Variants in NOS1AP observed in about 807,000 individuals in gnomAD.
NOS1AP encodes the protein carboxyl-terminal PDZ ligand of neuronal nitric oxide synthase protein.
A neutral mutation model predicts 56.2 loss-of-function variants in NOS1AP; 21 were observed. The observed-to-expected ratio is 0.37, with a 90% CI of 0.26 to 0.54. The LOEUF is 0.54. Among genes scored for constraint, NOS1AP ranks in the 20% least tolerant of loss-of-function variants. NOS1AP has a pLI of 0.84. For synonymous variants in NOS1AP, 270 were observed against 274.6 expected, an observed-to-expected ratio of 0.98 and a Z score of 0.17; for missense variants, 522 against 657.8, an observed-to-expected ratio of 0.79 and a Z score of 2.26.
intron 2 of NOS1AP, among the ~76,000 whole-genome samples, chr1:162,214,185 A>G (rs186938452): frequency 9.9e-5 from 15 of 152,214 alleles, no homozygotes; most frequent in African/African-American, 3.6e-4. Context: ...TCCTTTTCCT[A>G]TGTCTTTCAG....
At chr1:162,112,454 C>T (rs562716548) in intron 1 of NOS1AP, among the ~76,000 whole-genome samples, 1 of 152,164 alleles carries the variant, frequency 6.6e-6, no homozygotes, top group South Asian at 2.1e-4. Flanking sequence ...CTCTTCAAAC[C>T]CCTCTGGGTT....
chr1:162,195,642 C>T (rs1212391056), intron 2 of NOS1AP, among the ~76,000 whole-genome samples: 1 of 152,156 alleles, frequency 6.6e-6, no homozygotes, highest in Admixed American at 6.5e-5. Flanking sequence ...TTACTGTTGC[C>T]GTGTCCTTTC....
intron 4 of NOS1AP, among the ~76,000 whole-genome samples, chr1:162,313,716 A>C (rs1656126937): frequency 6.6e-6 from 1 of 152,212 alleles, no homozygotes; most frequent in South Asian, 2.1e-4. Flanking sequence ...CATAGAAAGC[A>C]GTCAGCCTGT....
Position 162,188,221 on chromosome 1 carries a change from G to T in NOS1AP, c.177+33745G>T, listed in dbSNP as rs1571111647. ...GGCATGCTGGAGTTTTTAGATGAAA[G>T]ATGCTATTTTGTATAAGCAAATGGT... On this transcript the variant is annotated intron_variant, in intron 2 of 9. Coordinates refer to ENST00000361897, the MANE Select transcript of NOS1AP (RefSeq NM_014697.3). The surrounding 1 kb of genome is among the most constrained non-coding windows in gnomAD (Gnocchi z 4.0). Among the ~76,000 whole-genome samples, 1 of 152,188 alleles carries T rather than the reference G, an allele frequency of 6.6e-6. No individual in the cohort carries two copies. Among genetic ancestry groups the T allele is most frequent in the African/African-American group, 2.4e-5 (1 of 41,446 alleles).
intron 1 of NOS1AP, among the ~76,000 whole-genome samples, chr1:162,139,439 C>G (rs1649140353): frequency 6.6e-6 from 1 of 152,166 alleles, no homozygotes; most frequent in Non-Finnish European, 1.5e-5. Context: ...GGACTGATGA[C>G]AGGATGTCCA....
At chr1:162,296,498 T>G (rs967640149) in intron 3 of NOS1AP, among the ~76,000 whole-genome samples, 13 of 152,168 alleles carry the variant, frequency 8.5e-5, no homozygotes, top group Admixed American at 6.5e-5. Flanking sequence ...AGTAAGTTGG[T>G]GAAAAGATCT....
rs562128939 is a variant in NOS1AP at position 162,173,049 on chromosome 1, C to A, written c.177+18573C>A. ...TGATCCTCCCACTGCACACTGCAGC[C>A]CCCTGAGTAGCTAGGACCACAGGTG... On this transcript the variant is annotated intron_variant, in intron 2 of 9. Coordinates refer to ENST00000361897, the MANE Select transcript of NOS1AP (RefSeq NM_014697.3). 2.0e-5 allele frequency among the ~76,000 whole-genome samples: 3 copies of A among 152,172 alleles called. No individual in the cohort carries two copies. In the East Asian group the frequency reaches 5.8e-4, roughly 29 times the overall value.
chr1:162,220,624 A>G (rs1328662516), intron 2 of NOS1AP, among the ~76,000 whole-genome samples: 1 of 152,192 alleles, frequency 6.6e-6, no homozygotes, highest in Non-Finnish European at 1.5e-5. Flanking sequence ...GGGTTTTGTC[A>G]GATGGATGCT....
intron 2 of NOS1AP, among the ~76,000 whole-genome samples, chr1:162,277,614 C>T (rs7511679): frequency 0.075 from 11,486 of 152,210 alleles, 537 homozygotes; most frequent in Middle Eastern, 0.11. Flanking sequence ...GGAAATTCAA[C>T]GGGTAGAAGA....
chr1:162,231,389 T>C (rs758446558), intron 2 of NOS1AP, among the ~76,000 whole-genome samples: 2 of 152,228 alleles, frequency 1.3e-5, no homozygotes, highest in Non-Finnish European at 2.9e-5. Flanking sequence ...ATTAACCCTT[T>C]ATCAGATACA....
At chr1:162,144,425 C>G (rs1020724248) in intron 1 of NOS1AP, among the ~76,000 whole-genome samples, 1 of 152,222 alleles carries the variant, frequency 6.6e-6, no homozygotes, top group Non-Finnish European at 1.5e-5. Flanking sequence ...CACTTAAACT[C>G]TGTCATTGGA....
At chr1:162,340,155 A>G (rs1166383497) in intron 5 of NOS1AP, among the ~76,000 whole-genome samples, 2 of 152,226 alleles carry the variant, frequency 1.3e-5, no homozygotes, top group East Asian at 1.9e-4. Flanking sequence ...GAAACATGCT[A>G]CAGTGTCCTT....
chr1:162,169,261 T>C (rs1461216166), intron 2 of NOS1AP, among the ~76,000 whole-genome samples: 1 of 152,242 alleles, frequency 6.6e-6, no homozygotes, highest in African/African-American at 2.4e-5. Context: ...GTTTTCTCTT[T>C]TACAGAAATC....
intron 1 of NOS1AP, among the ~76,000 whole-genome samples, chr1:162,131,474 A>G (rs1003161356): frequency 6.6e-6 from 1 of 151,378 alleles, no homozygotes; most frequent in Admixed American, 6.6e-5. Flanking sequence ...GAGCACAGAG[A>G]TATTAGGGTC....
At chr1:162,320,151 C>T (rs941197917) in intron 4 of NOS1AP, among the ~76,000 whole-genome samples, 1 of 152,036 alleles carries the variant, frequency 6.6e-6, no homozygotes, top group African/African-American at 2.4e-5. Flanking sequence ...CCAAGGGGGG[C>T]GGGGTACGGA....
intron 2 of NOS1AP, among the ~76,000 whole-genome samples, chr1:162,251,406 C>T (rs1653843886): frequency 6.6e-6 from 1 of 152,080 alleles, no homozygotes; most frequent in Non-Finnish European, 1.5e-5. Flanking sequence ...GTGTCCTTGT[C>T]CTGTTTCTTC....
chr1:162,344,952 G>GA (rs1334277122), intron 6 of NOS1AP, among the ~76,000 whole-genome samples: 2 of 150,720 alleles, frequency 1.3e-5, no homozygotes, highest in East Asian at 1.9e-4. Flanking sequence ...CATAGTGGAG[G>GA]AAAAAAATCC....
chr1:162,360,714 G>A (rs1052495656), intron 8 of NOS1AP: 3 of 434,120 alleles, frequency 6.9e-6, no homozygotes, highest in African/African-American at 6.0e-5. Flanking sequence ...ATATGTCCCT[G>A]TGGCTTCTCC....
chr1:162,301,768 G>A (rs1342231808), intron 4 of NOS1AP, among the ~76,000 whole-genome samples: 3 of 152,134 alleles, frequency 2.0e-5, no homozygotes, highest in African/African-American at 7.2e-5. Context: ...TAGGAATTTG[G>A]GGACGTAGAT....
Sources: gnomAD v4.1 joint callset for allele counts (sites outside exome capture counted in the v4.1 genomes callset) on GRCh38, gnomAD v4.1.1 for gene constraint, Gnocchi (gnomAD v3.1) non-coding constraint, MANE v1.5 for transcripts, NCBI Gene and HGNC (gene_info 2026-07-23, HGNC 2026-07-21) for gene names.